The following KCNQ1OT1 variants were observed in gnomAD, a reference collection of about 807,000 sequenced individuals.
KCNQ1OT1 encodes the protein KCNQ1 antisense RNA 2 (non-protein coding).
rs1849171798 is a variant in KCNQ1OT1, at chr11:2,621,486, A to T, written n.78509T>A. The T allele has an allele frequency of 5.0e-6, 2 of 398,276 alleles. No individual in the cohort carries two copies. The highest frequency in any genetic ancestry group is 4.4e-6 in the Non-Finnish European group (1 of 226,020). 24.7% of individuals were successfully genotyped at this position (398,276 alleles called of 1,614,324 possible). On this transcript the variant is annotated non_coding_transcript_exon_variant, in exon 1 of 1. Coordinates refer to ENST00000597346, the Ensembl canonical transcript of KCNQ1OT1. The surrounding 1 kb of genome is among the most constrained non-coding windows in gnomAD (Gnocchi z 5.7). ...ATAGTTTGCAAATATTTTTTCTCCC[A>T]TTCTATATGTTGTCTGTTTACTCTG...
In KCNQ1OT1 at chr11:2,695,645, G is replaced by T. The variant is rs1470654686; in HGVS notation, n.4350C>A. The T allele has an allele frequency of 2.5e-6, 1 of 398,448 alleles. No homozygotes were observed. Among genetic ancestry groups the T allele is most frequent in the Non-Finnish European group, 4.4e-6 (1 of 226,072 alleles). The allele number at this position is 398,448 out of a possible 1,614,324, so 24.7% of individuals were successfully genotyped here. ...TAGGAGGGAAACTGCTGGGCCACAG[G>T]TATAAAATATTTTATTTGAGGAAGA... On this transcript the variant is annotated non_coding_transcript_exon_variant, in exon 1 of 1. Coordinates refer to ENST00000597346, the Ensembl canonical transcript of KCNQ1OT1. This position sits in a 1 kb window ranked among gnomAD's most constrained non-coding sequence, Gnocchi z 5.2.
rs1321939343 is a variant in KCNQ1OT1, at chr11:2,674,397, G to A, written n.25598C>T. On this transcript the variant is annotated non_coding_transcript_exon_variant, in exon 1 of 1. Coordinates refer to ENST00000597346, the Ensembl canonical transcript of KCNQ1OT1. This position sits in a 1 kb window ranked among gnomAD's most constrained non-coding sequence, Gnocchi z 5.9. Reference sequence around the variant, plus strand: ...CTGCTTAGGGAAGGTGCATGCGTGCGTGTGTGTGTGCGCGCCCGCGCGCAC... The same window carrying A: ...CTGCTTAGGGAAGGTGCATGCGTGCATGTGTGTGTGCGCGCCCGCGCGCAC... 1.3e-5 allele frequency: 5 copies of A among 397,342 alleles called. No individual in the cohort carries two copies. The highest frequency in any genetic ancestry group is 3.6e-5 in the East Asian group (1 of 28,010). The allele number at this position is 397,342 out of a possible 1,614,324, so 24.6% of individuals were successfully genotyped here. A position where few individuals can be genotyped will look rare whatever the true frequency, so the allele number is the denominator to read the frequency against.
In KCNQ1OT1 at chr11:2,679,887, T is replaced by C. The variant is rs77263503; in HGVS notation, n.20108A>G. On this transcript the variant is annotated non_coding_transcript_exon_variant, in exon 1 of 1. Coordinates refer to ENST00000597346, the Ensembl canonical transcript of KCNQ1OT1. The surrounding 1 kb of genome is among the most constrained non-coding windows in gnomAD (Gnocchi z 4.8). Reference sequence around the variant, plus strand: ...ATAAACTTAGAACTAGCACGCCTAATTTTTTTTTTATTTTTATTTTTTTTG... The same window carrying C: ...ATAAACTTAGAACTAGCACGCCTAACTTTTTTTTTATTTTTATTTTTTTTG... 2 of 369,722 alleles carry C rather than the reference T, an allele frequency of 5.4e-6. No homozygotes were observed. The highest frequency in any genetic ancestry group is 9.3e-6 in the Non-Finnish European group (2 of 214,468). The allele number at this position is 369,722 out of a possible 1,614,324, so 22.9% of individuals were successfully genotyped here.
exon 1 of KCNQ1OT1, chr11:2,648,992 T>C (rs1389754024): frequency 5.2e-6 from 2 of 388,232 alleles, no homozygotes; most frequent in Non-Finnish European, 9.1e-6. Context: ...TTTTTTTTTT[T>C]TTTTTTTTTT....
At chr11:2,637,862 G>C (rs774659617) in exon 1 of KCNQ1OT1, 33 of 152,270 alleles carry the variant, frequency 2.2e-4, no homozygotes, top group Non-Finnish European at 4.1e-4. Flanking sequence ...GAATCTGGGT[G>C]CTCCTGTATT....
chr11:2,696,926 C>G, exon 1 of KCNQ1OT1: 1 of 398,404 alleles, frequency 2.5e-6, no homozygotes, highest in Non-Finnish European at 4.4e-6. Context: ...TATCCAAAAC[C>G]TCTCTGAAAT....
chr11:2,655,598 C>CTG (rs1226390177), exon 1 of KCNQ1OT1: 6 of 398,578 alleles, frequency 1.5e-5, no homozygotes, highest in Non-Finnish European at 4.4e-6. Flanking sequence ...CAAGCAAGAC[C>CTG]TGTTAGGGCA....
exon 1 of KCNQ1OT1, chr11:2,633,971 A>C: frequency 5.0e-6 from 2 of 398,492 alleles, no homozygotes; most frequent in African/African-American, 4.1e-5. Flanking sequence ...ATACAGTTCA[A>C]ATCTATGTTG....
rs367681171 is a variant in KCNQ1OT1 at position 2,670,508 on chromosome 11, G to T, written n.29487C>A. The T allele has an allele frequency of 1.0e-5, 4 of 397,606 alleles. No individual in the cohort carries two copies. Among genetic ancestry groups the T allele is most frequent in the Non-Finnish European group, 8.9e-6 (2 of 225,948 alleles). The allele number at this position is 397,606 out of a possible 1,614,324, so 24.6% of individuals were successfully genotyped here. A position where few individuals can be genotyped will look rare whatever the true frequency, so the allele number is the denominator to read the frequency against. On this transcript the variant is annotated non_coding_transcript_exon_variant, in exon 1 of 1. Transcript: ENST00000597346. The surrounding 1 kb of genome is among the most constrained non-coding windows in gnomAD (Gnocchi z 4.9). ...AGCATCTAGTGGGCCTGTCCTCCCA[G>T]CTCACAGAAGGGGAAATTGAAGCCT...
At position 2,679,484 on chromosome 11, in the gene KCNQ1OT1, C is replaced by T. The variant is rs898286464; in HGVS notation, n.20511G>A. The T allele has an allele frequency of 2.5e-6, 1 of 398,462 alleles. No homozygotes were observed. The highest frequency in any genetic ancestry group is 4.4e-6 in the Non-Finnish European group (1 of 226,062). 24.7% of individuals were successfully genotyped at this position (398,462 alleles called of 1,614,324 possible). On this transcript the variant is annotated non_coding_transcript_exon_variant, in exon 1 of 1. Coordinates refer to ENST00000597346, the Ensembl canonical transcript of KCNQ1OT1. The surrounding 1 kb of genome is among the most constrained non-coding windows in gnomAD (Gnocchi z 4.8). ...ATAAAGTATGCAGAAAAGTGCCTGT[C>T]CTATAGTAGTGACACAGTGTTACTT...
chr11:2,608,596 C>T lies in KCNQ1OT1; in HGVS notation n.91399G>A, dbSNP rs1486080023. 1 of 398,424 alleles carries T rather than the reference C, an allele frequency of 2.5e-6. No homozygotes were observed. Among genetic ancestry groups the T allele is most frequent in the Admixed American group, 4.4e-5 (1 of 22,704 alleles). 24.7% of individuals were successfully genotyped at this position (398,424 alleles called of 1,614,324 possible). On this transcript the variant is annotated non_coding_transcript_exon_variant, in exon 1 of 1. Coordinates refer to ENST00000597346, the Ensembl canonical transcript of KCNQ1OT1. This position sits in a 1 kb window ranked among gnomAD's most constrained non-coding sequence, Gnocchi z 4.6. Reference sequence around the variant, plus strand: ...TCTCAAGTGATCCTTGCCCCTTAGCCTATGACAGGTGTGCACCACAACACC... The same window carrying T: ...TCTCAAGTGATCCTTGCCCCTTAGCTTATGACAGGTGTGCACCACAACACC...
At chr11:2,634,216 A>T in exon 1 of KCNQ1OT1, 3 of 394,534 alleles carry the variant, frequency 7.6e-6, no homozygotes, top group Non-Finnish European at 1.3e-5. Flanking sequence ...CATGTGCACA[A>T]CGTGCAGGTT....
chr11:2,677,029 T>C lies in KCNQ1OT1; in HGVS notation n.22966A>G. ...CATGATTTATGGAACAGATCCTCTG[T>C]TGATGGATATGTAGGGCAGCTAAAA... On this transcript the variant is annotated non_coding_transcript_exon_variant, in exon 1 of 1. Coordinates refer to ENST00000597346, the Ensembl canonical transcript of KCNQ1OT1. This position sits in a 1 kb window ranked among gnomAD's most constrained non-coding sequence, Gnocchi z 4.5. 2.5e-6 allele frequency: 1 copy of C among 398,652 alleles called. No individual in the cohort carries two copies. Among genetic ancestry groups the C allele is most frequent in the Non-Finnish European group, 4.4e-6 (1 of 226,066 alleles). The allele number at this position is 398,652 out of a possible 1,614,324, so 24.7% of individuals were successfully genotyped here. A position where few individuals can be genotyped will look rare whatever the true frequency, so the allele number is the denominator to read the frequency against.
chr11:2,641,845 C>T (rs1259241008), exon 1 of KCNQ1OT1: 3 of 398,244 alleles, frequency 7.5e-6, no homozygotes, highest in South Asian at 1.3e-4. Flanking sequence ...TTTCATTTTT[C>T]ACATGGATAT....
chr11:2,669,383 G>C lies in KCNQ1OT1; in HGVS notation n.30612C>G, dbSNP rs1850142068. On this transcript the variant is annotated non_coding_transcript_exon_variant, in exon 1 of 1. Coordinates refer to ENST00000597346, the Ensembl canonical transcript of KCNQ1OT1. The surrounding 1 kb of genome is among the most constrained non-coding windows in gnomAD (Gnocchi z 5.6). ...GAATGGGTATCCTTATAGTTTTGGG[G>C]CTCCTGAAACATGGCATCATGTGTC... is the stretch of plus-strand genomic sequence containing the variant. 2.5e-6 allele frequency: 1 copy of C among 398,606 alleles called. No individual in the cohort carries two copies. The allele number at this position is 398,606 out of a possible 1,614,324, so 24.7% of individuals were successfully genotyped here.
chr11:2,622,183 C>A, exon 1 of KCNQ1OT1: 2 of 398,358 alleles, frequency 5.0e-6, no homozygotes, highest in Non-Finnish European at 8.9e-6. Flanking sequence ...GTAGAACTGT[C>A]TTTCTCACTC....
chr11:2,613,709 C>T lies in KCNQ1OT1; in HGVS notation n.86286G>A, dbSNP rs1487497875. On this transcript the variant is annotated non_coding_transcript_exon_variant, in exon 1 of 1. Transcript: ENST00000597346. The surrounding 1 kb of genome is among the most constrained non-coding windows in gnomAD (Gnocchi z 4.8). ...TCTTGTTAATTTTATTTTTTGAATA[C>T]ATATAACATTAACATACTTCCAAAA... The T allele has an allele frequency of 5.0e-6, 2 of 398,372 alleles. No individual in the cohort carries two copies. The highest frequency in any genetic ancestry group is 4.1e-5 in the African/African-American group (2 of 48,596). 24.7% of individuals were successfully genotyped at this position (398,372 alleles called of 1,614,324 possible). A position where few individuals can be genotyped will look rare whatever the true frequency, so the allele number is the denominator to read the frequency against.
exon 1 of KCNQ1OT1, chr11:2,699,462 A>G (rs1850736835): frequency 1.0e-5 from 4 of 393,924 alleles, no homozygotes; most frequent in Non-Finnish European, 1.8e-5. Context: ...AGCCGCCGGG[A>G]GAGTGCCGCG....
chr11:2,613,351 T>C lies in KCNQ1OT1; in HGVS notation n.86644A>G. 1 of 398,626 alleles carries C rather than the reference T, an allele frequency of 2.5e-6. No individual in the cohort carries two copies. Among genetic ancestry groups the C allele is most frequent in the Non-Finnish European group, 4.4e-6 (1 of 226,080 alleles). 24.7% of individuals were successfully genotyped at this position (398,626 alleles called of 1,614,324 possible). On this transcript the variant is annotated non_coding_transcript_exon_variant, in exon 1 of 1. Transcript: ENST00000597346. The surrounding 1 kb of genome is among the most constrained non-coding windows in gnomAD (Gnocchi z 4.8). ...CTTAATCTGTCGCTTGCCCAACCAG[T>C]ATTGAAACATTAGGTTGCTGTGATG...
Sources: gnomAD v4.1 joint callset for allele counts on GRCh38, gnomAD v4.1.1 for gene constraint, Gnocchi (gnomAD v3.1) non-coding constraint, MANE v1.5 for transcripts, NCBI Gene and HGNC (gene_info 2026-07-23, HGNC 2026-07-21) for gene names.